ERCC6L2: variants seen among roughly 807,000 people sequenced by gnomAD.
The protein encoded by ERCC6L2 is DNA excision repair protein ERCC-6-like 2.
ERCC6L2 carries 77 observed loss-of-function variants against 132.0 expected under a neutral mutation model. That is an observed-to-expected ratio of 0.58 (90% CI 0.49 to 0.71). The LOEUF (loss-of-function observed/expected upper bound fraction) is 0.71, where lower values mean the gene tolerates loss of function less well. Ranked by LOEUF, ERCC6L2 falls within the 30% of genes least tolerant of loss-of-function variation. ERCC6L2 has a pLI of 0.00. For synonymous variants in ERCC6L2, 583 were observed against 632.4 expected (o/e 0.92, Z 1.17); for missense variants, 1,542 against 1,837.6 (o/e 0.84, Z 2.94).
chr9:96,001,621 C>T (rs1229819636), intron 17 of ERCC6L2, among the ~76,000 whole-genome samples: 11 of 152,246 alleles, frequency 7.2e-5, no homozygotes, highest in Non-Finnish European at 1.0e-4. Flanking sequence ...AGACTCTCCA[C>T]GTCCCCACCA....
At chr9:95,980,491 C>A (rs992362063) in intron 17 of ERCC6L2, among the ~76,000 whole-genome samples, 4 of 152,162 alleles carry the variant, frequency 2.6e-5, no homozygotes, top group Admixed American at 6.5e-5. Flanking sequence ...TGGCTGACTT[C>A]AGTCAGTAAT....
At chr9:96,004,945 T>C in intron 18 of ERCC6L2, 1 of 325,372 alleles carries the variant, frequency 3.1e-6, no homozygotes, top group Non-Finnish European at 6.0e-6. Flanking sequence ...GTGCATTTTA[T>C]TCATTCAGTC....
intron 9 of ERCC6L2, among the ~76,000 whole-genome samples, chr9:95,927,373 C>T (rs1255471657): frequency 6.6e-6 from 1 of 151,634 alleles, no homozygotes; most frequent in Non-Finnish European, 1.5e-5. Flanking sequence ...TTTCTTTTTC[C>T]CCTCTGTGGA....
chr9:95,915,725 T>TA lies in ERCC6L2; in HGVS notation c.847dup (p.Arg283LysfsTer12). 1 of 1,613,966 alleles carries TA rather than the reference T, an allele frequency of 6.2e-7. No individual in the cohort carries two copies. Among genetic ancestry groups the TA allele is most frequent in the Non-Finnish European group, 8.5e-7 (1 of 1,179,896 alleles). On this transcript the variant is annotated frameshift_variant, in exon 5 of 19. Transcript: ENST00000653738. LOFTEE classifies it high-confidence loss of function. ...CTCATAGAATCAAGAATCCAAAAGC[T>TA]AGAGTAACAGAAGTTATGAAAGCTT...
At chr9:96,041,066 T>A (rs1042834523) in intron 20 of ERCC6L2, among the ~76,000 whole-genome samples, 1 of 152,168 alleles carries the variant, frequency 6.6e-6, no homozygotes, top group African/African-American at 2.4e-5. Context: ...TAACTTTAAA[T>A]AAACATGAGC....
At chr9:95,913,460 C>CGCTT (rs2132693749) in intron 4 of ERCC6L2, among the ~76,000 whole-genome samples, 1 of 133,224 alleles carries the variant, frequency 7.5e-6, no homozygotes, top group South Asian at 2.4e-4. Context: ...CTTGCTTGCC[C>CGCTT]GCTTGCTTGC....
intron 19 of ERCC6L2, among the ~76,000 whole-genome samples, chr9:96,030,141 C>G (rs1021664135): frequency 1.3e-5 from 2 of 152,156 alleles, no homozygotes; most frequent in Non-Finnish European, 2.9e-5. Flanking sequence ...AGTCATCGCT[C>G]CGTGGCTAGC....
intron 5 of ERCC6L2, 33 bp from the exon 6 acceptor site, chr9:95,916,194 A>G: frequency 6.3e-7 from 1 of 1,583,828 alleles, no homozygotes; most frequent in South Asian, 1.1e-5. Context: ...TAGATAATAA[A>G]GCCCTTACAT....
At chr9:95,903,775 A>G (rs901033364) in intron 3 of ERCC6L2, among the ~76,000 whole-genome samples, 1 of 152,128 alleles carries the variant, frequency 6.6e-6, no homozygotes, top group Non-Finnish European at 1.5e-5. Context: ...GAAGTGTGAT[A>G]TCAAAATGAA....
intron 16 of ERCC6L2, 88 bp from the exon 17 acceptor site, chr9:95,977,973 G>T: frequency 1.2e-6 from 1 of 830,090 alleles, no homozygotes; most frequent in Non-Finnish European, 1.6e-6. Context: ...TGTTTCTCTT[G>T]AGTATTAAAA....
rs372534256 is a variant in ERCC6L2, at chr9:95,886,529, C to T, written c.471+5236C>T. 2.0e-5 allele frequency among the ~76,000 whole-genome samples: 3 copies of T among 152,248 alleles called. No homozygotes were observed. In the East Asian group the frequency reaches 5.8e-4, roughly 29 times the overall value. ...TGTTATTTTTTTCCTCTTCTATCATCTACTGCCTTCTTTTGACTTAATAAT... is the reference window on the plus strand; with the variant it reads ...TGTTATTTTTTTCCTCTTCTATCATTTACTGCCTTCTTTTGACTTAATAAT... On this transcript the variant is annotated intron_variant, in intron 2 of 18. Coordinates refer to ENST00000653738, the MANE Select transcript of ERCC6L2 (RefSeq NM_020207.7).
chr9:95,945,834 C>T (rs1020870487), intron 12 of ERCC6L2, among the ~76,000 whole-genome samples: 1 of 152,074 alleles, frequency 6.6e-6, no homozygotes, highest in Non-Finnish European at 1.5e-5. Context: ...ACTCAGAAAG[C>T]ATGACCAATG....
At chr9:95,963,653 G>A (rs1832018348) in intron 13 of ERCC6L2, among the ~76,000 whole-genome samples, 1 of 151,934 alleles carries the variant, frequency 6.6e-6, no homozygotes. Context: ...CTGGTCCAGG[G>A]TTTCATCAAG....
At chr9:95,934,941 C>T (rs1235972581) in intron 11 of ERCC6L2, among the ~76,000 whole-genome samples, 1 of 152,126 alleles carries the variant, frequency 6.6e-6, no homozygotes, top group African/African-American at 2.4e-5. Context: ...GAAAGACATT[C>T]TAAACCACTC....
intron 2 of ERCC6L2, among the ~76,000 whole-genome samples, chr9:95,881,781 A>G (rs769150520): frequency 6.6e-6 from 1 of 152,214 alleles, no homozygotes; most frequent in Non-Finnish European, 1.5e-5. Flanking sequence ...AAGATTCCCT[A>G]AAATGTGTAC....
intron 4 of ERCC6L2, among the ~76,000 whole-genome samples, chr9:95,907,534 G>A (rs1338614820): frequency 6.6e-6 from 1 of 151,696 alleles, no homozygotes; most frequent in African/African-American, 2.4e-5. Context: ...AAGGAATAAT[G>A]ATGATTCCTT....
intron 12 of ERCC6L2, among the ~76,000 whole-genome samples, chr9:95,947,588 A>G (rs2132924270): frequency 2.0e-5 from 3 of 152,306 alleles, no homozygotes; most frequent in Non-Finnish European, 4.4e-5. Flanking sequence ...GAACAAAACA[A>G]CCTTATATTG....
chr9:95,970,006 A>C (rs1225407914), intron 14 of ERCC6L2, among the ~76,000 whole-genome samples: 4 of 152,166 alleles, frequency 2.6e-5, no homozygotes, highest in Admixed American at 6.5e-5. Flanking sequence ...TAAAGTCCAA[A>C]TACTTTCCCA....
chr9:95,897,084 A>G (rs1297980505), intron 2 of ERCC6L2, among the ~76,000 whole-genome samples: 6 of 152,130 alleles, frequency 3.9e-5, no homozygotes, highest in African/African-American at 1.4e-4. Flanking sequence ...TTTGTAAGGT[A>G]ATGATCAGTT....
Sources: gnomAD v4.1 joint callset for allele counts (sites outside exome capture counted in the v4.1 genomes callset) on GRCh38, gnomAD v4.1.1 for gene constraint, MANE v1.5 for transcripts, NCBI Gene and HGNC (gene_info 2026-07-23, HGNC 2026-07-21) for gene names.